The following FCHO1 variants were observed in gnomAD, a reference collection of about 807,000 sequenced individuals.
The protein encoded by FCHO1 is F-BAR domain only protein 1.
Under a neutral mutation model 114.4 loss-of-function variants are expected in FCHO1, and 45 were observed. That is an observed-to-expected ratio of 0.39 (90% confidence interval 0.31 to 0.50). The LOEUF (loss-of-function observed/expected upper bound fraction) is 0.50, where lower values mean the gene tolerates loss of function less well. FCHO1 is among the 20% of genes least tolerant of loss of function. The pLI is 0.77. For synonymous variants in FCHO1, 480 were observed against 488.9 expected, an observed-to-expected ratio of 0.98 and a Z score of 0.24; for missense variants, 1,042 against 1,209.6, an observed-to-expected ratio of 0.86 and a Z score of 2.06.
intron 4 of FCHO1, among the ~76,000 whole-genome samples, chr19:17,762,433 T>A (rs1031411101): frequency 3.3e-5 from 5 of 151,932 alleles, no homozygotes; most frequent in Non-Finnish European, 7.4e-5. Flanking sequence ...GGGAGGAGAC[T>A]GAGACAGAAA....
intron 4 of FCHO1, 71 bp downstream of exon 4, chr19:17,755,262 TG>T: frequency 2.2e-6 from 3 of 1,363,240 alleles, no homozygotes; most frequent in Non-Finnish European, 3.1e-6. Flanking sequence ...ATGGGAGGAC[TG>T]GGTGAGTTGC....
chr19:17,772,608 G>C, intron 10 of FCHO1, 37 bp from the exon 11 acceptor site: 1 of 1,612,552 alleles, frequency 6.2e-7, no homozygotes, highest in Non-Finnish European at 8.5e-7. Flanking sequence ...GGGCAAAGGG[G>C]CCTTGACCAG....
chr19:17,781,579 T>C, intron 22 of FCHO1, 40 bp downstream of exon 22: 1 of 1,604,778 alleles, frequency 6.2e-7, no homozygotes, highest in Non-Finnish European at 8.5e-7. Context: ...TGGGCCTCAG[T>C]GTCACCTTCT....
chr19:17,786,307 G>A (rs1369321419), intron 26 of FCHO1, among the ~76,000 whole-genome samples: 1 of 151,878 alleles, frequency 6.6e-6, no homozygotes, highest in Non-Finnish European at 1.5e-5. Context: ...CACACCAGCC[G>A]GGGCGACAGA....
chr19:17,774,933 C>A, intron 13 of FCHO1, 123 bp from the exon 14 acceptor site: 1 of 1,086,128 alleles, frequency 9.2e-7, no homozygotes, highest in Non-Finnish European at 1.4e-6. Flanking sequence ...GCCTCTAGGG[C>A]TAGCTCAGGG....
At chr19:17,751,458 T>TC (rs35089198), upstream of FCHO1, 10 of 150,336 alleles carry the variant, frequency 6.7e-5, no homozygotes, top group East Asian at 4.0e-4. The surrounding 1 kb of genome is among the most constrained non-coding windows in gnomAD (Gnocchi z 4.4). Context: ...GAGCTTCCTG[T>TC]CCCCCCCCCA....
intron 26 of FCHO1, 106 bp downstream of exon 26, chr19:17,785,030 A>C: frequency 2.0e-5 from 22 of 1,076,820 alleles, no homozygotes; most frequent in Middle Eastern, 2.9e-4. Flanking sequence ...CTGACCGTTA[A>C]CTGTGAGCCC....
intron 19 of FCHO1, 91 bp downstream of exon 19, chr19:17,778,319 A>T: frequency 8.8e-7 from 1 of 1,139,878 alleles, no homozygotes; most frequent in Non-Finnish European, 1.3e-6. Context: ...GGTCCCCTGG[A>T]AGCCAGGCTG....
At chr19:17,766,071 G>A (rs1406935979) in intron 6 of FCHO1, among the ~76,000 whole-genome samples, 2 of 151,306 alleles carry the variant, frequency 1.3e-5, no homozygotes, top group South Asian at 2.1e-4. Context: ...TGTATTTTTA[G>A]TAGAGACGGG....
upstream of FCHO1, among the ~76,000 whole-genome samples, chr19:17,749,865 C>T (rs1026490519): frequency 2.6e-5 from 4 of 152,120 alleles, no homozygotes; most frequent in Non-Finnish European, 5.9e-5. Flanking sequence ...ATGAGAAAAC[C>T]CTTGCTACTG....
chr19:17,786,466 G>A lies in FCHO1; in HGVS notation c.2427-108G>A. The A allele has an allele frequency of 3.7e-6, 4 of 1,080,120 alleles. No homozygotes were observed. The Admixed American group carries it at 6.4e-5, about 17-fold the overall frequency. The allele number at this position is 1,080,120 out of a possible 1,614,324, so 66.9% of individuals were successfully genotyped here. On this transcript the variant is annotated intron_variant, in intron 26 of 28. Coordinates refer to ENST00000596536, the MANE Select transcript of FCHO1 (RefSeq NM_015122.3). Reference sequence around the variant, plus strand: ...CAGATGAGGAAATTGAGGTGAAGTGGGGGAGAAGGTTTGTTGGGGTCACAC... The same window carrying A: ...CAGATGAGGAAATTGAGGTGAAGTGAGGGAGAAGGTTTGTTGGGGTCACAC...
At chr19:17,774,511 G>C (rs780775182) in intron 13 of FCHO1, 33 bp downstream of exon 13, 3 of 1,577,312 alleles carry the variant, frequency 1.9e-6, no homozygotes, top group Non-Finnish European at 2.6e-6. Context: ...TCTGGCCCAG[G>C]CTAGACCGAG....
At chr19:17,780,161 C>CTTTTTTTT (rs11400972) in intron 20 of FCHO1, among the ~76,000 whole-genome samples, 1 of 103,370 alleles carries the variant, frequency 9.7e-6, no homozygotes, top group Non-Finnish European at 1.9e-5. Context: ...AGAAGAAGCT[C>CTTTTTTTT]TTTTTTTTTT....
At chr19:17,766,105 C>T (rs560738416) in intron 6 of FCHO1, among the ~76,000 whole-genome samples, 2 of 151,160 alleles carry the variant, frequency 1.3e-5, no homozygotes, top group East Asian at 1.9e-4. Context: ...AGCCAGGATG[C>T]TCTCTCAATC....
At chr19:17,769,305 G>T (rs996193430) in intron 7 of FCHO1, among the ~76,000 whole-genome samples, 3 of 138,390 alleles carry the variant, frequency 2.2e-5, no homozygotes, top group Non-Finnish European at 4.6e-5. Context: ...GGCCTGGCAC[G>T]GTGGCTCAAG....
rs1310783452 is a variant in FCHO1, at chr19:17,784,138, T to C, written c.2129T>C (p.Phe710Ser). ...CAGAGTGACCCTGAGACCAAAGACTTCTGGCTCAACATGGCAGCTCTGACC... is the reference window on the plus strand; with the variant it reads ...CAGAGTGACCCTGAGACCAAAGACTCCTGGCTCAACATGGCAGCTCTGACC... ...PSQSDPETKD[F>S]WLNMAALTEA... Residue 710 changes from phenylalanine to serine, a missense_variant, in exon 25 of 29, where the codon TTC becomes TCC. Coordinates refer to ENST00000596536, the MANE Select transcript of FCHO1 (RefSeq NM_015122.3). The surrounding 1 kb of genome is among the most constrained non-coding windows in gnomAD (Gnocchi z 5.3). 1 of 1,614,100 alleles carries C rather than the reference T, an allele frequency of 6.2e-7. No individual in the cohort carries two copies. Among genetic ancestry groups the C allele is most frequent in the Non-Finnish European group, 8.5e-7 (1 of 1,180,030 alleles).
intron 4 of FCHO1, 122 bp from the exon 5 acceptor site, chr19:17,762,640 C>G (rs1289442718): frequency 3.9e-6 from 3 of 774,162 alleles, no homozygotes; most frequent in African/African-American, 1.7e-5. Flanking sequence ...CTGATTCGCT[C>G]AGGCCCGAAC....
intron 22 of FCHO1, 45 bp downstream of exon 22, chr19:17,781,584 C>A (rs1182107633): frequency 6.2e-7 from 1 of 1,602,318 alleles, no homozygotes. Flanking sequence ...CTCAGTGTCA[C>A]CTTCTCTGGT....
rs1568354603 is a variant in FCHO1, at chr19:17,775,351, G to C, written c.946-105G>C. The stretch of plus-strand genomic sequence containing the variant: ...TCGTTGCCATCAGGGTTGGTTTTGA[G>C]GTCTGAGTCAAGGCCTGGGGGCAGG... On this transcript the variant is annotated intron_variant, in intron 14 of 28. Coordinates refer to ENST00000596536, the MANE Select transcript of FCHO1 (RefSeq NM_015122.3). This position sits in a 1 kb window ranked among gnomAD's most constrained non-coding sequence, Gnocchi z 5.1. 2 of 1,223,842 alleles carry C rather than the reference G, an allele frequency of 1.6e-6. No individual in the cohort carries two copies. Among genetic ancestry groups the C allele is most frequent in the Non-Finnish European group, 2.4e-6 (2 of 828,332 alleles). 75.8% of individuals were successfully genotyped at this position (1,223,842 alleles called of 1,614,324 possible). A position where few individuals can be genotyped will look rare whatever the true frequency, so the allele number is the denominator to read the frequency against.
Sources: allele counts gnomAD v4.1 joint callset (sites outside exome capture counted in the v4.1 genomes callset), GRCh38; gene constraint gnomAD v4.1.1; non-coding constraint Gnocchi (gnomAD v3.1); transcripts MANE v1.5; gene names NCBI Gene and HGNC (gene_info 2026-07-23, HGNC 2026-07-21).